FGF12: variants seen among roughly 807,000 people sequenced by gnomAD.
The protein encoded by FGF12 is fibroblast growth factor 12B.
In FGF12, 14 loss-of-function variants were observed where a neutral mutation model predicts 23.6. The ratio of observed to expected loss-of-function variants is 0.59; its 90% CI spans 0.39 to 0.93. The LOEUF is 0.93. Ranked by LOEUF, FGF12 falls within the 40% of genes least tolerant of loss-of-function variation. The pLI, the probability that FGF12 is intolerant of heterozygous loss-of-function variation, is 0.00. For synonymous variants in FGF12, 62 were observed against 77.3 expected (o/e 0.80, Z 1.04); for missense variants, 175 against 217.8 (o/e 0.80, Z 1.24).
intron 4 of FGF12, among the ~76,000 whole-genome samples, chr3:192,204,865 G>T (rs777645390): frequency 1.3e-5 from 2 of 151,832 alleles, no homozygotes; most frequent in Admixed American, 6.6e-5. Context: ...CTCCAGCCTG[G>T]GCGATAGAGT....
intron 2 of FGF12, among the ~76,000 whole-genome samples, chr3:192,370,006 A>G (rs1214317891): frequency 1.3e-5 from 2 of 152,224 alleles, no homozygotes; most frequent in African/African-American, 4.8e-5. Context: ...TGCTTTGAGC[A>G]GCACCAGCAG....
At chr3:192,574,328 C>T (rs1712782441) in intron 2 of FGF12, among the ~76,000 whole-genome samples, 1 of 152,208 alleles carries the variant, frequency 6.6e-6, no homozygotes, top group South Asian at 2.1e-4. Flanking sequence ...AGCCTCAATT[C>T]TTAGCATGTC....
At chr3:192,692,316 G>A (rs1276898052) in intron 2 of FGF12, among the ~76,000 whole-genome samples, 3 of 152,120 alleles carry the variant, frequency 2.0e-5, no homozygotes, top group African/African-American at 7.2e-5. Context: ...GTTATACATT[G>A]TGACTATGTG....
At chr3:192,268,222 CT>C (rs1331889142) in intron 4 of FGF12, among the ~76,000 whole-genome samples, 1 of 152,130 alleles carries the variant, frequency 6.6e-6, no homozygotes. Context: ...CTTCTCTGCC[CT>C]ACATACTAGC....
chr3:192,580,791 G>A (rs1031950269), intron 2 of FGF12, among the ~76,000 whole-genome samples: 1 of 151,990 alleles, frequency 6.6e-6, no homozygotes, highest in African/African-American at 2.4e-5. Context: ...TAGAGACAGG[G>A]TTTCACCATG....
intron 4 of FGF12, among the ~76,000 whole-genome samples, chr3:192,202,522 C>T (rs753609110): frequency 1.3e-5 from 2 of 152,190 alleles, no homozygotes; most frequent in Non-Finnish European, 1.5e-5. Flanking sequence ...TTTCATACAA[C>T]ACTGAAGCAA....
intron 2 of FGF12, among the ~76,000 whole-genome samples, chr3:192,398,178 C>T (rs914669675): frequency 1.3e-5 from 2 of 152,166 alleles, no homozygotes; most frequent in Non-Finnish European, 2.9e-5. Flanking sequence ...AGACAGATTT[C>T]TTTATTAGTG....
At chr3:192,577,425 G>A (rs527968076) in intron 2 of FGF12, among the ~76,000 whole-genome samples, 113 of 152,098 alleles carry the variant, frequency 7.4e-4, no homozygotes, top group Non-Finnish European at 1.3e-3. Flanking sequence ...GTATGTACTC[G>A]GTTCCAGCAG....
At chr3:192,169,866 G>T (rs2108617574) in intron 5 of FGF12, among the ~76,000 whole-genome samples, 1 of 150,372 alleles carries the variant, frequency 6.7e-6, no homozygotes, top group Middle Eastern at 3.4e-3. Flanking sequence ...TTATTCTAAT[G>T]GTCAGTTTGA....
In FGF12 at chr3:192,598,059, T is replaced by C. The variant is rs532337328; in HGVS notation, c.13+129122A>G. ...ACAGCAGCCTCAAGATGTGCTAAGA[T>C]TGACCACCCACAACTTCCCTGGTGG... is the stretch of plus-strand genomic sequence containing the variant. On this transcript the variant is annotated intron_variant, in intron 2 of 5. Transcript: ENST00000445105. 6.6e-5 allele frequency among the ~76,000 whole-genome samples: 10 copies of C among 152,320 alleles called. No individual in the cohort carries two copies. The South Asian group carries it at 1.9e-3, about 28-fold the overall frequency.
chr3:192,154,815 G>T (rs1451316425), intron 5 of FGF12, among the ~76,000 whole-genome samples: 1 of 147,028 alleles, frequency 6.8e-6, no homozygotes, highest in Non-Finnish European at 1.5e-5. Flanking sequence ...AGGCAGGCAG[G>T]CCTCCTTGAG....
rs1218554349 is a variant in FGF12, at chr3:192,158,649, C to CT, written c.427+11808dup. On this transcript the variant is annotated intron_variant, in intron 5 of 5. Transcript: ENST00000445105. ...TTCTCTCTGTTTTTTCCCTCCCTCC[C>CT]TCCCTCCCTTCCTTCCCTCCCTCCC... Among the ~76,000 whole-genome samples, 17 of 9,956 alleles carry CT rather than the reference C, an allele frequency of 1.7e-3. 1 individual carries two copies. The highest frequency in any genetic ancestry group is 7.3e-3 in the Admixed American group (8 of 1,102). 6.5% of individuals were successfully genotyped at this position (9,956 alleles called of 152,430 possible). A position where few individuals can be genotyped will look rare whatever the true frequency, so the allele number is the denominator to read the frequency against.
intron 2 of FGF12, among the ~76,000 whole-genome samples, chr3:192,472,217 C>G (rs544823378): frequency 6.6e-6 from 1 of 152,028 alleles, no homozygotes; most frequent in Non-Finnish European, 1.5e-5. Context: ...GGGGTTTCAC[C>G]ATGTTGGCCA....
At chr3:192,146,272 A>ATATGT (rs746233904) in intron 5 of FGF12, among the ~76,000 whole-genome samples, 1 of 143,280 alleles carries the variant, frequency 7.0e-6, no homozygotes, top group East Asian at 2.0e-4. Context: ...TAAAGTGTAT[A>ATATGT]TTTTTTTTTT....
chr3:192,581,484 GTGTA>G (rs1221973105), intron 2 of FGF12, among the ~76,000 whole-genome samples: 1 of 69,174 alleles, frequency 1.4e-5, no homozygotes, highest in African/African-American at 6.1e-5. Flanking sequence ...ATGTGTGTGT[GTGTA>G]TATATATATA....
chr3:192,554,525 G>C (rs914336475), intron 2 of FGF12, among the ~76,000 whole-genome samples: 12 of 152,208 alleles, frequency 7.9e-5, no homozygotes, highest in African/African-American at 2.9e-4. Context: ...GGAAAAGTTT[G>C]AGAAGCTCTC....
At chr3:192,648,499 T>C (rs1415567735) in intron 2 of FGF12, among the ~76,000 whole-genome samples, 1 of 151,604 alleles carries the variant, frequency 6.6e-6, no homozygotes, top group Non-Finnish European at 1.5e-5. Context: ...TTTTTTTTAG[T>C]CTCTTAGAAT....
At chr3:192,179,060 C>T (rs1716019296) in intron 4 of FGF12, among the ~76,000 whole-genome samples, 1 of 152,104 alleles carries the variant, frequency 6.6e-6, no homozygotes, top group African/African-American at 2.4e-5. Context: ...ACTTTGCTAA[C>T]TCTGTTGTCA....
intron 2 of FGF12, among the ~76,000 whole-genome samples, chr3:192,550,414 CATATT>C (rs1385868684): frequency 2.7e-5 from 4 of 149,030 alleles, no homozygotes; most frequent in Admixed American, 6.7e-5. Context: ...ACATATATAA[CATATT>C]ATATATTGCA....
Sources: gnomAD v4.1 joint callset for allele counts (sites outside exome capture counted in the v4.1 genomes callset) on GRCh38, gnomAD v4.1.1 for gene constraint, MANE v1.5 for transcripts, NCBI Gene and HGNC (gene_info 2026-07-23, HGNC 2026-07-21) for gene names.